Variants in EML6 observed in about 807,000 individuals in gnomAD.
EML6 encodes the protein echinoderm microtubule-associated protein-like 6.
In EML6, 154 loss-of-function variants were observed where a neutral mutation model predicts 240.1. The observed-to-expected ratio is 0.64, with a 90% CI of 0.56 to 0.73. The LOEUF is 0.73. Among genes scored for constraint, EML6 ranks in the 30% least tolerant of loss-of-function variants. The pLI, the probability that EML6 is intolerant of heterozygous loss-of-function variation, is 0.00. For missense variants in EML6, 2,964 were observed against 2,474.6 expected, an observed-to-expected ratio of 1.20 and a Z score of -4.20; for synonymous variants, 1,148 against 899.0, an observed-to-expected ratio of 1.28 and a Z score of -4.95.
chr2:54,906,291 C>A (rs1333340451), intron 24 of EML6, among the ~76,000 whole-genome samples: 1 of 152,094 alleles, frequency 6.6e-6, no homozygotes, highest in Non-Finnish European at 1.5e-5. Flanking sequence ...CTTAATTCTG[C>A]AAATGTATAG....
chr2:54,781,468 A>C (rs1284434429), intron 2 of EML6, among the ~76,000 whole-genome samples: 42 of 152,164 alleles, frequency 2.8e-4, no homozygotes, highest in Non-Finnish European at 1.0e-4. Context: ...AAATTATGAC[A>C]CTTGCCCAAA....
chr2:54,815,845 C>T (rs548026519), intron 3 of EML6, among the ~76,000 whole-genome samples: 1 of 152,316 alleles, frequency 6.6e-6, no homozygotes, highest in South Asian at 2.1e-4. Flanking sequence ...TACACAGACA[C>T]ACTCTCGAAT....
intron 30 of EML6, among the ~76,000 whole-genome samples, chr2:54,951,856 C>A (rs76413500): frequency 2.6e-5 from 4 of 152,142 alleles, no homozygotes; most frequent in Non-Finnish European, 5.9e-5. Flanking sequence ...TATATATTTT[C>A]TTCACTTTCT....
chr2:54,970,205 T>G lies in EML6; in HGVS notation c.*110T>G. The G allele has an allele frequency of 9.7e-7, 1 of 1,030,162 alleles. No homozygotes were observed. The highest frequency in any genetic ancestry group is 1.4e-5 in the South Asian group (1 of 73,312). 63.8% of individuals were successfully genotyped at this position (1,030,162 alleles called of 1,614,324 possible). On this transcript the variant is annotated 3_prime_UTR_variant, in exon 42 of 42. Coordinates refer to ENST00000356458, the MANE Select transcript of EML6 (RefSeq NM_001039753.4). ...AGCCGTTGGGAAATGCCTACCATGCTGCCCCGGATGCACAAGCTCAAAACG... is the reference window on the plus strand; with the variant it reads ...AGCCGTTGGGAAATGCCTACCATGCGGCCCCGGATGCACAAGCTCAAAACG...
chr2:54,773,014 T>A (rs144701715), intron 2 of EML6, among the ~76,000 whole-genome samples: 4,063 of 152,332 alleles, frequency 0.027, 154 homozygotes, highest in Admixed American at 0.12. Context: ...TTTCCTTCTG[T>A]CCTCATGTCC....
At chr2:54,795,004 C>T (rs112232192) in intron 2 of EML6, among the ~76,000 whole-genome samples, 246 of 152,292 alleles carry the variant, frequency 1.6e-3, no homozygotes, top group African/African-American at 5.6e-3. Flanking sequence ...AACTCCTTTA[C>T]CTCAGAATTT....
chr2:54,874,505 T>C (rs528609582), intron 16 of EML6, among the ~76,000 whole-genome samples: 1 of 152,254 alleles, frequency 6.6e-6, no homozygotes, highest in East Asian at 1.9e-4. Context: ...AAAGAGCCCA[T>C]TTTTCAGCAA....
chr2:54,852,108 T>G (rs1409852576), intron 10 of EML6, among the ~76,000 whole-genome samples: 1 of 152,200 alleles, frequency 6.6e-6, no homozygotes, highest in Non-Finnish European at 1.5e-5. Context: ...TTTACTTGGA[T>G]TGTTTTAGTC....
chr2:54,887,860 C>T (rs181003885), intron 17 of EML6, among the ~76,000 whole-genome samples: 146 of 152,334 alleles, frequency 9.6e-4, no homozygotes, highest in African/African-American at 3.5e-3. Context: ...CCCCTACTAT[C>T]ACCCTCCTGC....
chr2:54,735,720 A>G (rs1239588534), intron 2 of EML6, among the ~76,000 whole-genome samples: 1 of 152,258 alleles, frequency 6.6e-6, no homozygotes, highest in Admixed American at 6.5e-5. Context: ...ATTATAAGAA[A>G]AATCATGATT....
At chr2:54,930,875 C>G (rs183641475) in intron 28 of EML6, among the ~76,000 whole-genome samples, 136 of 151,762 alleles carry the variant, frequency 9.0e-4, no homozygotes, top group Non-Finnish European at 1.6e-3. Context: ...ACAATCAGAG[C>G]CAAGAACAAG....
At chr2:54,847,753 C>CG in intron 9 of EML6, 130 bp downstream of exon 9, 2 of 786,694 alleles carry the variant, frequency 2.5e-6, no homozygotes, top group South Asian at 2.8e-5. Context: ...TACTATAGAT[C>CG]TACGATCCCC....
chr2:54,863,913 A>C, intron 13 of EML6, 24 bp downstream of exon 13: 1 of 1,300,068 alleles, frequency 7.7e-7, no homozygotes, highest in Non-Finnish European at 1.1e-6. Flanking sequence ...GAGCAATGAA[A>C]ATTTGTAACC....
rs1271208228 is a variant in EML6 at position 54,850,120 on chromosome 2, A to T, written c.1346A>T (p.Lys449Met). The T allele has an allele frequency of 6.4e-7, 1 of 1,552,028 alleles. No individual in the cohort carries two copies. The highest frequency in any genetic ancestry group is 8.7e-7 in the Non-Finnish European group (1 of 1,147,020). Residue 449 changes from lysine (K) to methionine (M), a missense_variant, in exon 10 of 42, where the codon AAG becomes ATG. Physicochemically the swap from Lys to Met is moderately conservative, Grantham distance 95. Transcript: ENST00000356458. Reference sequence around the variant, plus strand: ...TATAAGAAAATTGGAGAATGCAGCAAGTCCCTTAGTTTCATCACGCATATT... The same window carrying T: ...TATAAGAAAATTGGAGAATGCAGCATGTCCCTTAGTTTCATCACGCATATT... Reference protein sequence around the residue: ...QRYKKIGECSKSLSFITHIDW... With the variant: ...QRYKKIGECSMSLSFITHIDW...
intron 10 of EML6, among the ~76,000 whole-genome samples, chr2:54,852,014 A>G (rs1440246136): frequency 1.3e-5 from 2 of 152,238 alleles, no homozygotes; most frequent in Non-Finnish European, 2.9e-5. Context: ...CCCTGGGAGT[A>G]TTAGAAACTC....
chr2:54,939,432 GT>G (rs1273586932), intron 28 of EML6, among the ~76,000 whole-genome samples: 1 of 152,192 alleles, frequency 6.6e-6, no homozygotes, highest in Non-Finnish European at 1.5e-5. Flanking sequence ...TCCTTTCTCT[GT>G]CATACTTGCT....
intron 5 of EML6, among the ~76,000 whole-genome samples, chr2:54,821,861 G>C (rs560130637): frequency 3.4e-4 from 51 of 152,162 alleles, no homozygotes; most frequent in Non-Finnish European, 6.6e-4. Flanking sequence ...AAAATAACTA[G>C]AGGAATATAT....
chr2:54,785,543 A>G (rs926100727), intron 2 of EML6, among the ~76,000 whole-genome samples: 2 of 152,180 alleles, frequency 1.3e-5, no homozygotes, highest in African/African-American at 4.8e-5. Context: ...AAAGTACTAC[A>G]GAGGTACAGT....
intron 27 of EML6, 30 bp from the exon 28 acceptor site, chr2:54,928,595 T>C (rs1475125649): frequency 6.4e-7 from 1 of 1,551,894 alleles, no homozygotes; most frequent in Non-Finnish European, 8.7e-7. Context: ...GCAAACCAAC[T>C]GGCTCCCCAA....
Sources: gnomAD v4.1 joint callset for allele counts (sites outside exome capture counted in the v4.1 genomes callset) on GRCh38, gnomAD v4.1.1 for gene constraint, MANE v1.5 for transcripts, NCBI Gene and HGNC (gene_info 2026-07-23, HGNC 2026-07-21) for gene names.